PABIR2: variants seen among roughly 807,000 people sequenced by gnomAD.
PABIR2 encodes family with sequence similarity 122B.
Under a neutral mutation model 22.8 loss-of-function variants are expected in PABIR2, and 7 were observed. That is an observed-to-expected ratio of 0.31 (90% CI 0.17 to 0.58). The LOEUF (loss-of-function observed/expected upper bound fraction) is 0.58. Among genes scored for constraint, PABIR2 ranks in the 20% least tolerant of loss-of-function variants. The pLI, the probability that PABIR2 is intolerant of heterozygous loss-of-function variation, is 0.89. For missense variants in PABIR2, 155 were observed against 205.1 expected (o/e 0.76, Z 1.49); for synonymous variants, 67 against 73.8 (o/e 0.91, Z 0.47).
rs1486306302 is a variant in PABIR2 at position 134,778,136 on chromosome X, C to T, written c.659+3685G>A. Among the ~76,000 whole-genome samples the T allele has an allele frequency of 8.7e-5, 9 of 103,404 alleles. No individual in the cohort carries two copies. The East Asian group carries it at 2.3e-3, about 26-fold the overall frequency. 89.8% of individuals were successfully genotyped at this position (103,404 alleles called of 115,157 possible). A position where few individuals can be genotyped will look rare whatever the true frequency, so the allele number is the denominator to read the frequency against. On this transcript the variant is annotated intron_variant, in intron 9 of 9. Coordinates refer to ENST00000343004, the MANE Select transcript of PABIR2 (RefSeq NM_001387468.1). ...TTGAAACTCCCGACCTCAAGTGATC[C>T]GCCCACCTCGGCCTCCCAAAGTGTT...
chrX:134,791,668 C>T, intron 2 of PABIR2: 1 of 330,533 alleles, frequency 3.0e-6, no homozygotes, highest in African/African-American at 2.6e-5. Flanking sequence ...AAGCTAAAGG[C>T]ATTTCAAGGC....
At chrX:134,794,635 T>C (rs901473266) in intron 1 of PABIR2, among the ~76,000 whole-genome samples, 4 of 112,211 alleles carry the variant, frequency 3.6e-5, no homozygotes, top group African/African-American at 1.3e-4. Context: ...GAAATGTGGA[T>C]GTGTCTTAAA....
Position 134,793,909 on chromosome X carries a change from A to C in PABIR2, c.99-16T>G. On this transcript the variant is annotated splice_polypyrimidine_tract_variant and intron_variant, in intron 1 of 9. Coordinates refer to ENST00000343004, the MANE Select transcript of PABIR2 (RefSeq NM_001387468.1). ...TGAAAGGTCACTGAAAAAAACAAAA[A>C]CAAACAAACAAAAAAAACAAAATTA... is the stretch of plus-strand genomic sequence containing the variant. 8.4e-7 allele frequency: 1 copy of C among 1,191,815 alleles called. No homozygotes were observed. The highest frequency in any genetic ancestry group is 1.1e-6 in the Non-Finnish European group (1 of 888,727).
rs376465330 is a variant in PABIR2, at chrX:134,775,390, C to T, written c.660-3107G>A. ...AAAATTAGCCAGGCGTGGTGGCGGG[C>T]GCCTGTAGTCCCAGCTACTTGGAGA... On this transcript the variant is annotated intron_variant, in intron 9 of 9. Transcript: ENST00000343004. Among the ~76,000 whole-genome samples the T allele has an allele frequency of 8.3e-5, 9 of 108,273 alleles. No individual in the cohort carries two copies. In the Admixed American group the frequency reaches 9.0e-4, roughly 11 times the overall value. The allele number at this position is 108,273 out of a possible 115,157, so 94.0% of individuals were successfully genotyped here.
In PABIR2 at chrX:134,771,984, T is replaced by C; in HGVS notation, c.*155A>G. The C allele has an allele frequency of 2.0e-6, 2 of 976,213 alleles. No homozygotes were observed. Among genetic ancestry groups the C allele is most frequent in the East Asian group, 3.9e-5 (1 of 25,619 alleles). The allele number at this position is 976,213 out of a possible 1,213,427, so 80.5% of individuals were successfully genotyped here. A position where few individuals can be genotyped will look rare whatever the true frequency, so the allele number is the denominator to read the frequency against. The stretch of plus-strand genomic sequence containing the variant: ...GTCACTAGGCTCACAAAATTGAACT[T>C]TGGAGAAGAGAGATGCCAAAGAGTA... On this transcript the variant is annotated 3_prime_UTR_variant, in exon 10 of 10. Transcript: ENST00000343004.
intron 9 of PABIR2, among the ~76,000 whole-genome samples, chrX:134,773,404 T>C (rs1034479874): frequency 1.8e-5 from 2 of 110,183 alleles, no homozygotes; most frequent in Non-Finnish European, 3.8e-5. Context: ...GACATTTAAA[T>C]AATCATGCTA....
At chrX:134,776,234 T>C (rs951215659) in intron 9 of PABIR2, among the ~76,000 whole-genome samples, 22 of 112,200 alleles carry the variant, frequency 2.0e-4, no homozygotes, top group African/African-American at 7.1e-4. Context: ...ACATTAAAAA[T>C]AGTGTTAGAA....
chrX:134,794,687 C>T (rs1271602820), intron 1 of PABIR2, among the ~76,000 whole-genome samples: 1 of 112,030 alleles, frequency 8.9e-6, no homozygotes, highest in African/African-American at 3.2e-5. Context: ...TGTATAATAT[C>T]CCTGCAGTGC....
At chrX:134,788,072 A>AAT (rs1471792361) in intron 6 of PABIR2, among the ~76,000 whole-genome samples, 3 of 107,695 alleles carry the variant, frequency 2.8e-5, no homozygotes, top group Admixed American at 2.1e-4. Context: ...ATATATATGT[A>AAT]ATATACACGT....
chrX:134,789,704 C>T (rs1455848267), intron 2 of PABIR2, 68 bp from the exon 3 acceptor site: 18 of 925,273 alleles, frequency 1.9e-5, no homozygotes, highest in Non-Finnish European at 2.5e-5. Context: ...TCAGTACTGG[C>T]GTACAACCTC....
At chrX:134,788,082 TTA>T (rs764212202) in intron 6 of PABIR2, among the ~76,000 whole-genome samples, 3 of 106,525 alleles carry the variant, frequency 2.8e-5, no homozygotes, top group Non-Finnish European at 3.9e-5. Flanking sequence ...AATATACACG[TTA>T]TATGTGTAAT....
intron 2 of PABIR2, chrX:134,793,509 G>A (rs1389411156): frequency 2.8e-6 from 1 of 355,874 alleles, no homozygotes; most frequent in African/African-American, 2.6e-5. Flanking sequence ...GACAAATGAA[G>A]ACCACTGTTC....
rs994778453 is a variant in PABIR2 at position 134,770,004 on chromosome X, C to T, written c.*2135G>A. 37 of 112,254 alleles carry T rather than the reference C, an allele frequency of 3.3e-4. No homozygotes were observed. Among genetic ancestry groups the T allele is most frequent in the African/African-American group, 1.2e-3 (36 of 30,829 alleles). 9.3% of individuals were successfully genotyped at this position (112,254 alleles called of 1,213,427 possible). On this transcript the variant is annotated 3_prime_UTR_variant, in exon 10 of 10. Coordinates refer to ENST00000343004, the MANE Select transcript of PABIR2 (RefSeq NM_001387468.1). ...GAATCATCTTGTCTCCTAGTTCTCA[C>T]ACCATTGGAACAACTTCCATTTCCT...
chrX:134,778,835 CAG>C (rs1256326397), intron 9 of PABIR2, among the ~76,000 whole-genome samples: 3 of 109,286 alleles, frequency 2.7e-5, no homozygotes, highest in Non-Finnish European at 3.8e-5. Context: ...TTTTTTGAGA[CAG>C]AGTCTCGCTC....
At chrX:134,778,460 C>T (rs1233555581) in intron 9 of PABIR2, among the ~76,000 whole-genome samples, 1 of 98,357 alleles carries the variant, frequency 1.0e-5, no homozygotes, top group Non-Finnish European at 2.0e-5. Flanking sequence ...GCCGAGATTG[C>T]GCCATTGCAC....
intron 9 of PABIR2, among the ~76,000 whole-genome samples, chrX:134,780,379 C>T (rs1252661330): frequency 9.0e-6 from 1 of 111,683 alleles, no homozygotes. Context: ...AGTTCGAGAC[C>T]AGCCTGGCCA....
Position 134,796,241 on chromosome X carries a change from A to G in PABIR2, c.-36T>C, listed in dbSNP as rs1237441306. 9.0e-7 allele frequency: 1 copy of G among 1,108,825 alleles called. No individual in the cohort carries two copies. Among genetic ancestry groups the G allele is most frequent in the South Asian group, 1.8e-5 (1 of 54,403 alleles). 91.4% of individuals were successfully genotyped at this position (1,108,825 alleles called of 1,213,427 possible). ...CAGGCAGGCACAGCGGGCAGTGCTCAGCTCCTGGTGCTTAGCTATGGACTC... is the reference window on the plus strand; with the variant it reads ...CAGGCAGGCACAGCGGGCAGTGCTCGGCTCCTGGTGCTTAGCTATGGACTC... On this transcript the variant is annotated 5_prime_UTR_variant, in exon 1 of 10. Transcript: ENST00000343004.
chrX:134,787,562 A>G, intron 6 of PABIR2, 29 bp from the exon 7 acceptor site: 1 of 1,148,131 alleles, frequency 8.7e-7, no homozygotes, highest in Non-Finnish European at 1.2e-6. Context: ...ACATTACTAG[A>G]AAAAACATAT....
intron 9 of PABIR2, among the ~76,000 whole-genome samples, chrX:134,777,435 T>A (rs1215025162): frequency 9.6e-6 from 1 of 104,055 alleles, no homozygotes; most frequent in Non-Finnish European, 1.9e-5. Flanking sequence ...CCGAGGTGGG[T>A]GGATGGCTTG....
Sources: allele counts gnomAD v4.1 joint callset (sites outside exome capture counted in the v4.1 genomes callset), GRCh38; gene constraint gnomAD v4.1.1; transcripts MANE v1.5; gene names NCBI Gene and HGNC (gene_info 2026-07-23, HGNC 2026-07-21).